PIAS1: variants seen among roughly 807,000 people sequenced by gnomAD.
The protein encoded by PIAS1 is protein inhibitor of activated STAT 1, also known as E3 SUMO-protein ligase PIAS1.
Under a neutral mutation model 71.3 loss-of-function variants are expected in PIAS1, and 6 were observed. That is an observed-to-expected ratio of 0.08 (90% CI 0.05 to 0.17). PIAS1 has a LOEUF of 0.17. PIAS1 is among the 10% of genes least tolerant of loss of function. PIAS1 has a pLI of 1.00. For synonymous variants in PIAS1, 303 were observed against 292.9 expected (o/e 1.03, Z -0.35); for missense variants, 555 against 793.6 (o/e 0.70, Z 3.61).
chr15:68,082,641 T>C (rs2092239556), intron 1 of PIAS1, among the ~76,000 whole-genome samples: 1 of 152,004 alleles, frequency 6.6e-6, no homozygotes, highest in South Asian at 2.1e-4. Context: ...GTACTGACAA[T>C]TGATTCAACC....
rs1209698081 is a variant in PIAS1, at chr15:68,189,517, ATAAAAT to A, written c.*1686_*1691del. ...AAGATGGCTGTACTTCAGTTGTATG[ATAAAAT>A]TAATGGTTCTCATGACTTGTGTGGC... On this transcript the variant is annotated 3_prime_UTR_variant, in exon 14 of 14. Coordinates refer to ENST00000249636, the MANE Select transcript of PIAS1 (RefSeq NM_016166.3). The A allele has an allele frequency of 3.9e-5, 6 of 152,178 alleles. No homozygotes were observed. The highest frequency in any genetic ancestry group is 8.8e-5 in the Non-Finnish European group (6 of 68,020). The allele number at this position is 152,178 out of a possible 1,614,324, so 9.4% of individuals were successfully genotyped here.
chr15:68,146,039 G>T lies in PIAS1; in HGVS notation c.693+133G>T, dbSNP rs2092805464. The T allele has an allele frequency of 6.3e-6, 4 of 630,826 alleles. No homozygotes were observed. In the South Asian group the frequency reaches 7.5e-5, roughly 12 times the overall value. 39.1% of individuals were successfully genotyped at this position (630,826 alleles called of 1,614,324 possible). ...TTGGATATATATTCATTGACTGGGT[G>T]AAACACTTGTACCAACTATGTACAG... On this transcript the variant is annotated intron_variant, in intron 5 of 13. Coordinates refer to ENST00000249636, the MANE Select transcript of PIAS1 (RefSeq NM_016166.3).
At chr15:68,121,085 C>T (rs2092609666) in intron 2 of PIAS1, among the ~76,000 whole-genome samples, 1 of 152,088 alleles carries the variant, frequency 6.6e-6, no homozygotes, top group African/African-American at 2.4e-5. Context: ...TGTGTATATC[C>T]AGATTCTAAT....
chr15:68,145,784 A>G (rs770254382), intron 4 of PIAS1, 32 bp from the exon 5 acceptor site: 1 of 1,233,922 alleles, frequency 8.1e-7, no homozygotes, highest in Non-Finnish European at 1.2e-6. Flanking sequence ...ATCCTTTAAT[A>G]AAGGAAATTA....
intron 6 of PIAS1, among the ~76,000 whole-genome samples, chr15:68,148,465 C>T (rs140978703): frequency 6.6e-6 from 1 of 152,244 alleles, no homozygotes; most frequent in East Asian, 1.9e-4. Context: ...GAGTCTCACT[C>T]TTGGCCAGGC....
At chr15:68,061,864 A>G (rs1267352860) in intron 1 of PIAS1, among the ~76,000 whole-genome samples, 1 of 152,176 alleles carries the variant, frequency 6.6e-6, no homozygotes. Context: ...CTTCAGCTGT[A>G]TAGCAAAAGC....
At chr15:68,095,477 A>G (rs1303006079) in intron 2 of PIAS1, among the ~76,000 whole-genome samples, 1 of 151,382 alleles carries the variant, frequency 6.6e-6, no homozygotes, top group Non-Finnish European at 1.5e-5. Flanking sequence ...TAAAAAAAAG[A>G]CGTTTTGTTG....
chr15:68,121,695 G>C (rs2092614736), intron 2 of PIAS1, among the ~76,000 whole-genome samples: 1 of 152,078 alleles, frequency 6.6e-6, no homozygotes, highest in African/African-American at 2.4e-5. Flanking sequence ...CTGTATGAGA[G>C]ATTTCCTAAT....
At chr15:68,060,330 A>T (rs576078577) in intron 1 of PIAS1, among the ~76,000 whole-genome samples, 1 of 152,194 alleles carries the variant, frequency 6.6e-6, no homozygotes, top group Non-Finnish European at 1.5e-5. Flanking sequence ...CTGGCATTTT[A>T]AAACTATATT....
rs769085728 is a variant in PIAS1, at chr15:68,173,895, ATGTTACTTTAAG to A, written c.1169+8_1169+19del. On this transcript the variant is annotated splice_donor_5th_base_variant and intron_variant, in intron 9 of 13. Transcript: ENST00000249636. The surrounding 1 kb of genome is among the most constrained non-coding windows in gnomAD (Gnocchi z 4.3). Reference sequence around the variant, plus strand: ...TATGAACACCTTATTATTGATGGGTATGTTACTTTAAGTGTTTTTGGTACCTTGAAATGACCA... The same window carrying A: ...TATGAACACCTTATTATTGATGGGTATGTTTTTGGTACCTTGAAATGACCA... 5 of 1,496,874 alleles carry A rather than the reference ATGTTACTTTAAG, an allele frequency of 3.3e-6. No homozygotes were observed. The highest frequency in any genetic ancestry group is 4.5e-6 in the Non-Finnish European group (5 of 1,107,922). The allele number at this position is 1,496,874 out of a possible 1,614,324, so 92.7% of individuals were successfully genotyped here.
At chr15:68,056,916 G>A (rs2091902595) in intron 1 of PIAS1, among the ~76,000 whole-genome samples, 1 of 151,840 alleles carries the variant, frequency 6.6e-6, no homozygotes. Context: ...ATCAGAGTAA[G>A]AAGAAAAAAA....
At chr15:68,062,992 C>T (rs2091977713) in intron 1 of PIAS1, among the ~76,000 whole-genome samples, 1 of 151,934 alleles carries the variant, frequency 6.6e-6, no homozygotes, top group Non-Finnish European at 1.5e-5. Context: ...AAGTTCTTAA[C>T]AACTTGTTTT....
At chr15:68,154,691 G>A (rs2092875138) in intron 7 of PIAS1, among the ~76,000 whole-genome samples, 1 of 152,098 alleles carries the variant, frequency 6.6e-6, no homozygotes, top group Non-Finnish European at 1.5e-5. Context: ...GTATTAAAAT[G>A]GTCCTTTAAA....
At chr15:68,131,086 C>T (rs574132209) in intron 2 of PIAS1, among the ~76,000 whole-genome samples, 21 of 152,178 alleles carry the variant, frequency 1.4e-4, no homozygotes, top group African/African-American at 3.9e-4. Flanking sequence ...GGGGTAAGCA[C>T]GCGGACTTCT....
intron 7 of PIAS1, among the ~76,000 whole-genome samples, chr15:68,154,453 G>A (rs1306921025): frequency 6.6e-6 from 1 of 152,258 alleles, no homozygotes; most frequent in East Asian, 1.9e-4. Flanking sequence ...TTTATAGGCA[G>A]GTGTTAGATA....
At chr15:68,182,965 T>C (rs1250179341) in intron 12 of PIAS1, among the ~76,000 whole-genome samples, 1 of 152,208 alleles carries the variant, frequency 6.6e-6, no homozygotes, top group Non-Finnish European at 1.5e-5. Flanking sequence ...AATTCATGCT[T>C]GTTCACTTGC....
chr15:68,177,278 CAAAAAAAAA>C (rs3083984), intron 11 of PIAS1, among the ~76,000 whole-genome samples: 103 of 90,876 alleles, frequency 1.1e-3, no homozygotes, highest in Middle Eastern at 5.5e-3. Flanking sequence ...GACTTTGTCT[CAAAAAAAAA>C]AAAAAAAAAA....
Position 68,174,106 on chromosome 15 carries a change from T to TTA in PIAS1, c.1169+215_1169+216dup. 6.6e-6 allele frequency among the ~76,000 whole-genome samples: 1 copy of TTA among 152,368 alleles called. No individual in the cohort carries two copies. Among genetic ancestry groups the TTA allele is most frequent in the South Asian group, 2.1e-4 (1 of 4,830 alleles). ...TTCCCTTGGTTTGAAAATGCGTGTG[T>TTA]TACTGTCAGTGCCTCCTGGCATTTG... On this transcript the variant is annotated intron_variant, in intron 9 of 13. Transcript: ENST00000249636. The surrounding 1 kb of genome is among the most constrained non-coding windows in gnomAD (Gnocchi z 4.0).
intron 2 of PIAS1, among the ~76,000 whole-genome samples, chr15:68,122,335 G>A (rs1410371391): frequency 6.6e-6 from 1 of 152,122 alleles, no homozygotes; most frequent in Non-Finnish European, 1.5e-5. Flanking sequence ...ACATAGCGTT[G>A]AATACTGTGG....
Sources: allele counts gnomAD v4.1 joint callset (sites outside exome capture counted in the v4.1 genomes callset), GRCh38; gene constraint gnomAD v4.1.1; non-coding constraint Gnocchi (gnomAD v3.1); transcripts MANE v1.5; gene names NCBI Gene and HGNC (gene_info 2026-07-23, HGNC 2026-07-21).